PGS1: variants seen among roughly 807,000 people sequenced by gnomAD.
PGS1 encodes the protein phosphatidylglycerophosphate synthase 1, also known as CDP-diacylglycerol--glycerol-3-phosphate 3-phosphatidyltransferase, mitochondrial.
A neutral mutation model predicts 58.3 loss-of-function variants in PGS1; 44 were observed. The ratio of observed to expected loss-of-function variants is 0.75; its 90% CI spans 0.59 to 0.97. The LOEUF is 0.97. Among genes scored for constraint, PGS1 ranks in the 50% least tolerant of loss-of-function variants. The pLI is 0.00. For synonymous variants in PGS1, 330 were observed against 311.0 expected, an observed-to-expected ratio of 1.06 and a Z score of -0.64; for missense variants, 684 against 731.1, an observed-to-expected ratio of 0.94 and a Z score of 0.74.
At chr17:78,415,646 G>A (rs1246743729) in intron 8 of PGS1, among the ~76,000 whole-genome samples, 1 of 152,156 alleles carries the variant, frequency 6.6e-6, no homozygotes, top group Non-Finnish European at 1.5e-5. Context: ...AAATAAAAGG[G>A]TTCAACAGTG....
At chr17:78,397,396 G>GCCCATTGCCCAGAGTTAGTGCCGT (rs2083310188) in intron 3 of PGS1, among the ~76,000 whole-genome samples, 1 of 151,780 alleles carries the variant, frequency 6.6e-6, no homozygotes, top group Non-Finnish European at 1.5e-5. Flanking sequence ...GGTGCAGTGG[G>GCCCATTGCCCAGAGTTAGTGCCGT]TTCACACCTC....
In PGS1 at chr17:78,419,573, G is replaced by C; in HGVS notation, c.1579G>C (p.Gly527Arg). The C allele has an allele frequency of 6.2e-7, 1 of 1,614,090 alleles. No individual in the cohort carries two copies. The highest frequency in any genetic ancestry group is 8.5e-7 in the Non-Finnish European group (1 of 1,179,964). ...GCAAGAGCAGCTCTACCTGAGGTCA[G>C]GTGTGGTGTCCTCTGCCACCTTCGA... ...QEQEQLYLRS[G>R]VVSSATFEQP... The change falls in exon 9 of 10, where the codon GGT (glycine) becomes CGT (arginine). Residue 527 changes from glycine to arginine, a missense_variant. Transcript: ENST00000262764.
chr17:78,423,621 T>G (rs2086174818), intron 9 of PGS1: 5 of 398,992 alleles, frequency 1.3e-5, no homozygotes. Context: ...CTCTGGCTGC[T>G]GGGAATTGGG....
chr17:78,422,442 T>C (rs568045471), intron 9 of PGS1, among the ~76,000 whole-genome samples: 22 of 152,304 alleles, frequency 1.4e-4, no homozygotes, highest in African/African-American at 4.6e-4. Context: ...GAAAAATGTT[T>C]TTGCAAAACT....
intron 3 of PGS1, among the ~76,000 whole-genome samples, 181 bp downstream of exon 3, chr17:78,396,566 G>A (rs2083243405): frequency 3.3e-5 from 5 of 152,106 alleles, no homozygotes; most frequent in Admixed American, 3.3e-4. Context: ...GAGAGCATGG[G>A]GGAGGGCCTG....
At chr17:78,401,251 G>C (rs12103714) in intron 6 of PGS1, among the ~76,000 whole-genome samples, 1 of 152,276 alleles carries the variant, frequency 6.6e-6, no homozygotes, top group African/African-American at 2.4e-5. Context: ...TAGCTACTCA[G>C]CAATGAACAC....
At chr17:78,416,975 G>A (rs2085248114) in intron 8 of PGS1, among the ~76,000 whole-genome samples, 1 of 152,156 alleles carries the variant, frequency 6.6e-6, no homozygotes, top group African/African-American at 2.4e-5. Flanking sequence ...TGGGAATTCA[G>A]GGAGGGGCCC....
rs2085684825 is a variant in PGS1, at chr17:78,421,029, T to A, written c.*10+1354T>A. ...ATTTTTTCGATTATTTGACTTGAAG[T>A]CCAATTAAGGACTACACCTTGTGAT... On this transcript the variant is annotated intron_variant, in intron 9 of 9. Coordinates refer to ENST00000262764, the MANE Select transcript of PGS1 (RefSeq NM_024419.5). The A allele has an allele frequency of 2.0e-5, 3 of 152,230 alleles. No homozygotes were observed. The South Asian group carries it at 6.2e-4, about 31-fold the overall frequency. 9.4% of individuals were successfully genotyped at this position (152,230 alleles called of 1,614,324 possible).
chr17:78,416,389 A>G (rs1158668376), intron 8 of PGS1, among the ~76,000 whole-genome samples: 1 of 152,218 alleles, frequency 6.6e-6, no homozygotes, highest in Non-Finnish European at 1.5e-5. Context: ...GTTCGCAGAG[A>G]CTTCCACTGT....
At chr17:78,391,224 AG>A (rs993097657) in intron 1 of PGS1, among the ~76,000 whole-genome samples, 3 of 152,146 alleles carry the variant, frequency 2.0e-5, no homozygotes, top group Non-Finnish European at 4.4e-5. Flanking sequence ...GTGGGATTAC[AG>A]GCGTGAGCCA....
chr17:78,399,593 A>G (rs899746569), intron 5 of PGS1, 56 bp downstream of exon 5: 3 of 1,563,288 alleles, frequency 1.9e-6, no homozygotes, highest in African/African-American at 2.7e-5. Context: ...GCTGGAGGGC[A>G]GTGGAATAGG....
At chr17:78,397,730 C>T (rs1311395128) in intron 3 of PGS1, among the ~76,000 whole-genome samples, 4 of 152,084 alleles carry the variant, frequency 2.6e-5, no homozygotes, top group Non-Finnish European at 1.5e-5. Context: ...CCACTGCGCC[C>T]GGCCGCCTCC....
chr17:78,386,292 T>G (rs1195205712), intron 1 of PGS1, among the ~76,000 whole-genome samples: 1 of 152,226 alleles, frequency 6.6e-6, no homozygotes, highest in Non-Finnish European at 1.5e-5. Context: ...GGTGATGTAG[T>G]ACGGCTGGTT....
At chr17:78,402,388 A>T (rs943288109) in intron 6 of PGS1, among the ~76,000 whole-genome samples, 6 of 104,726 alleles carry the variant, frequency 5.7e-5, no homozygotes, top group Non-Finnish European at 9.9e-5. Context: ...CATTCTAGTA[A>T]TTTCTATTCA....
At chr17:78,403,520 A>G (rs1385970420) in intron 6 of PGS1, 48 bp from the exon 7 acceptor site, 3 of 1,578,438 alleles carry the variant, frequency 1.9e-6, no homozygotes, top group Non-Finnish European at 2.6e-6. Flanking sequence ...GGCAGAGTCC[A>G]GACCCTCCAT....
rs541894569 is a variant in PGS1 at position 78,402,162 on chromosome 17, G to A, written c.880+1307G>A. Among the ~76,000 whole-genome samples, 9 of 152,272 alleles carry A rather than the reference G, an allele frequency of 5.9e-5. No homozygotes were observed. The East Asian group carries it at 1.7e-3, about 29-fold the overall frequency. On this transcript the variant is annotated intron_variant, in intron 6 of 9. Coordinates refer to ENST00000262764, the MANE Select transcript of PGS1 (RefSeq NM_024419.5). ...ACAGGCTAGACTCCTGCATGGGATG[G>A]TCCTTCTCTTTGTTCTGTAGCCCAG...
rs769048393 is a variant in PGS1, at chr17:78,399,433, C to T, written c.597C>T (p.His199=). The part of the protein sequence containing the change: ...QVRVSLFHTP[H]LRGLLRLLIP... ...GAGTCTCCCTCTTTCACACGCCGCA[C>T]CTCCGTGGGCTGCTTCGGCTCCTCA... Residue 199 remains histidine (H), a synonymous_variant, in exon 5 of 10, where the codon CAC becomes CAT. Transcript: ENST00000262764. 3.1e-6 allele frequency: 5 copies of T among 1,614,166 alleles called. No homozygotes were observed. Among genetic ancestry groups the T allele is most frequent in the South Asian group, 2.2e-5 (2 of 91,088 alleles).
chr17:78,396,817 T>C (rs1385789480), intron 3 of PGS1, among the ~76,000 whole-genome samples: 1 of 152,268 alleles, frequency 6.6e-6, no homozygotes, highest in Non-Finnish European at 1.5e-5. Flanking sequence ...TCTGTATTGG[T>C]AAACAAACTT....
intron 7 of PGS1, among the ~76,000 whole-genome samples, 190 bp downstream of exon 7, chr17:78,404,279 A>ATTTT (rs34032688): frequency 8.2e-6 from 1 of 122,682 alleles, no homozygotes. Context: ...CCTCAAGGGA[A>ATTTT]TTTTTTTTTT....
Sources: gnomAD v4.1 joint callset for allele counts (sites outside exome capture counted in the v4.1 genomes callset) on GRCh38, gnomAD v4.1.1 for gene constraint, MANE v1.5 for transcripts, NCBI Gene and HGNC (gene_info 2026-07-23, HGNC 2026-07-21) for gene names.